TSPAN11: variants seen among roughly 807,000 people sequenced by gnomAD.
TSPAN11 encodes tetraspanin 11.
In TSPAN11, 29 loss-of-function variants were observed where a neutral mutation model predicts 32.9. That is an observed-to-expected ratio of 0.88 (90% CI 0.66 to 1.20). The LOEUF (loss-of-function observed/expected upper bound fraction) is 1.20. TSPAN11 is among the 50% of genes most tolerant of loss of function. The probability of loss-of-function intolerance (pLI) is 0.00; values close to 1 mark genes in which losing one functional copy is unlikely to be tolerated. For missense variants in TSPAN11, 283 were observed against 329.1 expected, an observed-to-expected ratio of 0.86 and a Z score of 1.08; for synonymous variants, 140 against 141.3, an observed-to-expected ratio of 0.99 and a Z score of 0.07.
chr12:30,998,095 T>C (rs1939441016), downstream of TSPAN11, among the ~76,000 whole-genome samples: 2 of 152,064 alleles, frequency 1.3e-5, no homozygotes, highest in South Asian at 4.1e-4. Flanking sequence ...TCACTATGAG[T>C]GTGTGCGTGT....
intron 7 of TSPAN11, among the ~76,000 whole-genome samples, chr12:30,986,153 C>T (rs181050676): frequency 2.2e-4 from 33 of 152,330 alleles, no homozygotes; most frequent in African/African-American, 7.5e-4. Context: ...CCCCTACATA[C>T]CCAGCCTGGC....
the TSPAN11 span, among the ~76,000 whole-genome samples, chr12:31,013,423 AT>A: frequency 5.5e-5 from 8 of 144,890 alleles, no homozygotes; most frequent in African/African-American, 7.5e-5. Context: ...AAAAAAAAAA[AT>A]TTTTTTTAAT....
At chr12:30,931,572 A>G (rs1937928028) in intron 1 of TSPAN11, among the ~76,000 whole-genome samples, 1 of 152,090 alleles carries the variant, frequency 6.6e-6, no homozygotes, top group Non-Finnish European at 1.5e-5. Flanking sequence ...ACGGTCCTAT[A>G]CTGTGCTTTT....
chr12:30,949,090 T>G (rs1216896363), intron 1 of TSPAN11, among the ~76,000 whole-genome samples: 1 of 152,168 alleles, frequency 6.6e-6, no homozygotes, highest in Non-Finnish European at 1.5e-5. Context: ...GTTCCTCATC[T>G]CCATCTGAGA....
chr12:30,953,113 G>A (rs1330822300), intron 1 of TSPAN11, among the ~76,000 whole-genome samples: 4 of 152,194 alleles, frequency 2.6e-5, no homozygotes, highest in Admixed American at 1.3e-4. Context: ...GGACAGCATG[G>A]TGCTGGGGTA....
intron 1 of TSPAN11, among the ~76,000 whole-genome samples, chr12:30,952,472 G>A (rs1312976599): frequency 1.3e-5 from 2 of 152,158 alleles, no homozygotes; most frequent in Non-Finnish European, 2.9e-5. Context: ...TTTTCTTAAC[G>A]AGAAGACTAG....
At chr12:31,005,015 C>G in the TSPAN11 span, among the ~76,000 whole-genome samples, 1 of 152,204 alleles carries the variant, frequency 6.6e-6, no homozygotes. Flanking sequence ...ACCCCTGTGT[C>G]CTCTCCACGC....
At chr12:30,928,454 G>T (rs905347712) in intron 1 of TSPAN11, among the ~76,000 whole-genome samples, 1 of 152,152 alleles carries the variant, frequency 6.6e-6, no homozygotes, top group African/African-American at 2.4e-5. Flanking sequence ...GCCAACGCTG[G>T]ACTGGGCTGA....
chr12:30,954,108 C>T (rs749353736), intron 2 of TSPAN11, 33 bp downstream of exon 2: 19 of 1,535,980 alleles, frequency 1.2e-5, no homozygotes, highest in Middle Eastern at 1.7e-4. Context: ...TCCTCTTCCC[C>T]GAGCACTGAA....
chr12:30,973,001 G>A (rs1303525200), intron 3 of TSPAN11, among the ~76,000 whole-genome samples: 1 of 152,034 alleles, frequency 6.6e-6, no homozygotes, highest in Admixed American at 6.6e-5. Context: ...CCTTTGCGGA[G>A]GAGCACTGAC....
chr12:30,935,139 G>A lies in TSPAN11; in HGVS notation c.-12+8343G>A, dbSNP rs140672477. The stretch of plus-strand genomic sequence containing the variant: ...TGTGCCAAGCACCGGTCTTCCCTGC[G>A]GAGAGGTGAGCAAACAGCTCCCACC... On this transcript the variant is annotated intron_variant, in intron 1 of 7. Coordinates refer to ENST00000546076, the MANE Select transcript of TSPAN11 (RefSeq NM_001370302.1). 1.4e-4 allele frequency among the ~76,000 whole-genome samples: 21 copies of A among 152,212 alleles called. No individual in the cohort carries two copies. In the East Asian group the frequency reaches 3.1e-3, roughly 22 times the overall value.
At chr12:30,926,850 G>A in intron 1 of TSPAN11, 54 bp downstream of exon 1, 2 of 1,018,090 alleles carry the variant, frequency 2.0e-6, no homozygotes, top group Non-Finnish European at 2.6e-6. Flanking sequence ...GGGGCTGGGG[G>A]TCCAGGAGAG....
the TSPAN11 span, among the ~76,000 whole-genome samples, chr12:31,013,725 A>G: frequency 0.063 from 9,654 of 152,298 alleles, 446 homozygotes; most frequent in South Asian, 0.18. Context: ...TTGAGGAAGT[A>G]CCAGGAAAAA....
At chr12:30,985,424 A>G (rs999536624) in intron 7 of TSPAN11, among the ~76,000 whole-genome samples, 1 of 152,020 alleles carries the variant, frequency 6.6e-6, no homozygotes, top group African/African-American at 2.4e-5. Flanking sequence ...TGGCCAGACC[A>G]GCCTGCTCCC....
chr12:30,972,823 G>A (rs1938879205), intron 3 of TSPAN11, among the ~76,000 whole-genome samples: 1 of 151,760 alleles, frequency 6.6e-6, no homozygotes, highest in Non-Finnish European at 1.5e-5. Context: ...GTGGGGGGAG[G>A]GCCACCTAGA....
At chr12:30,927,493 A>T (rs906765356) in intron 1 of TSPAN11, among the ~76,000 whole-genome samples, 1 of 152,060 alleles carries the variant, frequency 6.6e-6, no homozygotes, top group Non-Finnish European at 1.5e-5. Context: ...GCTTGGCGGG[A>T]CAGCATCTTA....
chr12:30,980,190 C>T (rs1436926224), intron 5 of TSPAN11, among the ~76,000 whole-genome samples: 4 of 152,216 alleles, frequency 2.6e-5, no homozygotes, highest in Admixed American at 2.0e-4. Context: ...AAGGTTTTCT[C>T]CTAAGAAGAC....
At chr12:30,959,446 G>A (rs1271018885) in intron 2 of TSPAN11, among the ~76,000 whole-genome samples, 4 of 152,158 alleles carry the variant, frequency 2.6e-5, no homozygotes, top group Non-Finnish European at 5.9e-5. Flanking sequence ...AGGCTGTGTT[G>A]CTTATCCAAA....
At chr12:31,001,347 A>C (rs1156793846), downstream of TSPAN11, among the ~76,000 whole-genome samples, 1 of 152,046 alleles carries the variant, frequency 6.6e-6, no homozygotes, top group Non-Finnish European at 1.5e-5. Flanking sequence ...TCTTAGCATC[A>C]ACATCACCTC....
Sources: allele counts gnomAD v4.1 joint callset (sites outside exome capture counted in the v4.1 genomes callset), GRCh38; gene constraint gnomAD v4.1.1; transcripts MANE v1.5; gene names NCBI Gene and HGNC (gene_info 2026-07-23, HGNC 2026-07-21).